The following SATB2 variants were observed in gnomAD, a reference collection of about 807,000 sequenced individuals.
SATB2 encodes the protein DNA-binding protein SATB2.
In SATB2, 1 loss-of-function variant was observed where a neutral mutation model predicts 73.4. The ratio of observed to expected loss-of-function variants is 0.01; its 90% confidence interval spans 0.00 to 0.06. The LOEUF (loss-of-function observed/expected upper bound fraction) is 0.06. Among genes scored for constraint, SATB2 ranks in the 10% least tolerant of loss-of-function variants. SATB2 has a pLI of 1.00. For missense variants in SATB2, 459 were observed against 945.8 expected, an observed-to-expected ratio of 0.49 and a Z score of 6.75; for synonymous variants, 397 against 367.0, an observed-to-expected ratio of 1.08 and a Z score of -0.93.
At chr2:199,330,535 C>A (rs1020143094) in intron 7 of SATB2, among the ~76,000 whole-genome samples, 1 of 152,154 alleles carries the variant, frequency 6.6e-6, no homozygotes, top group African/African-American at 2.4e-5. Flanking sequence ...GTAAAAATAA[C>A]CGACTGGTAC....
At chr2:199,406,725 T>C (rs1690639570) in intron 3 of SATB2, among the ~76,000 whole-genome samples, 3 of 152,090 alleles carry the variant, frequency 2.0e-5, no homozygotes, top group South Asian at 4.1e-4. Context: ...AAGGGCATTC[T>C]GAGAGGACGT....
chr2:199,459,663 A>T (rs948514041), upstream of SATB2: 2 of 152,652 alleles, frequency 1.3e-5, no homozygotes, highest in South Asian at 2.1e-4. The surrounding 1 kb of genome is among the most constrained non-coding windows in gnomAD (Gnocchi z 4.2). Flanking sequence ...GCTCTCCCAC[A>T]TCTCCCGCAG....
At chr2:199,279,628 G>C (rs918417027) in intron 10 of SATB2, among the ~76,000 whole-genome samples, 3 of 152,174 alleles carry the variant, frequency 2.0e-5, no homozygotes, top group African/African-American at 7.2e-5. Flanking sequence ...GGTCACGTCT[G>C]TCTCTCTATG....
At chr2:199,394,962 A>T (rs1370825501) in intron 3 of SATB2, among the ~76,000 whole-genome samples, 1 of 152,204 alleles carries the variant, frequency 6.6e-6, no homozygotes, top group Non-Finnish European at 1.5e-5. Flanking sequence ...AGATCCATTT[A>T]ATCTCATTTC....
intron 6 of SATB2, among the ~76,000 whole-genome samples, chr2:199,352,465 TTATA>T: frequency 6.6e-6 from 1 of 152,168 alleles, no homozygotes; most frequent in East Asian, 1.9e-4. Context: ...TTCTTTAAGG[TTATA>T]TATAATCATT....
chr2:199,350,997 T>C (rs1412221801), intron 6 of SATB2, among the ~76,000 whole-genome samples: 2 of 133,180 alleles, frequency 1.5e-5, no homozygotes, highest in Non-Finnish European at 3.1e-5. Context: ...ACCACTGCAC[T>C]CCAGCCTGAG....
At chr2:199,411,111 A>G (rs1415479163) in intron 3 of SATB2, among the ~76,000 whole-genome samples, 5 of 151,984 alleles carry the variant, frequency 3.3e-5, no homozygotes, top group Non-Finnish European at 5.9e-5. Flanking sequence ...TACAAATCAC[A>G]CTGAATCATT....
At chr2:199,332,397 T>C (rs977005498) in intron 7 of SATB2, among the ~76,000 whole-genome samples, 1 of 152,106 alleles carries the variant, frequency 6.6e-6, no homozygotes, top group Non-Finnish European at 1.5e-5. Flanking sequence ...GCCTTTTCCA[T>C]AGCCTAATTA....
intron 10 of SATB2, among the ~76,000 whole-genome samples, chr2:199,281,133 C>A (rs1339326332): frequency 6.6e-6 from 1 of 151,884 alleles, no homozygotes; most frequent in Non-Finnish European, 1.5e-5. Flanking sequence ...ACTTGGGAGG[C>A]TGAGACAGGA....
At chr2:199,368,543 A>C in intron 6 of SATB2, 62 bp downstream of exon 6, 1 of 966,400 alleles carries the variant, frequency 1.0e-6, no homozygotes, top group South Asian at 1.3e-5. Flanking sequence ...ATTCCAAACA[A>C]CCAACAACTC....
intron 9 of SATB2, among the ~76,000 whole-genome samples, chr2:199,310,865 A>G (rs1427796048): frequency 6.6e-6 from 1 of 152,242 alleles, no homozygotes; most frequent in African/African-American, 2.4e-5. Flanking sequence ...GCTTGAAAGA[A>G]GACAGGTGAC....
At chr2:199,302,862 G>C (rs531811215) in intron 10 of SATB2, among the ~76,000 whole-genome samples, 1 of 152,148 alleles carries the variant, frequency 6.6e-6, no homozygotes, top group Non-Finnish European at 1.5e-5. Flanking sequence ...GAACATTAGC[G>C]ATAAGAGGCA....
At chr2:199,407,604 A>T (rs1690673325) in intron 3 of SATB2, among the ~76,000 whole-genome samples, 1 of 152,188 alleles carries the variant, frequency 6.6e-6, no homozygotes, top group Admixed American at 6.5e-5. Flanking sequence ...GTGGGAGATG[A>T]TGTCATGTAA....
At chr2:199,406,499 C>A (rs571613239) in intron 3 of SATB2, among the ~76,000 whole-genome samples, 15 of 152,226 alleles carry the variant, frequency 9.9e-5, no homozygotes, top group Middle Eastern at 3.4e-3. Flanking sequence ...TAATCTATCC[C>A]ACTGGAAAAA....
At chr2:199,323,630 A>C (rs1687952019) in intron 9 of SATB2, among the ~76,000 whole-genome samples, 173 bp downstream of exon 9, 1 of 152,188 alleles carries the variant, frequency 6.6e-6, no homozygotes, top group South Asian at 2.1e-4. Context: ...CTTCATCTCT[A>C]TTTTGAACTC....
At chr2:199,452,638 T>C (rs1409341422) in intron 2 of SATB2, among the ~76,000 whole-genome samples, 1 of 152,170 alleles carries the variant, frequency 6.6e-6, no homozygotes, top group Non-Finnish European at 1.5e-5. Flanking sequence ...AGTGAATTAC[T>C]AGCTGAGAGG....
chr2:199,429,412 C>G (rs750191097), intron 3 of SATB2, among the ~76,000 whole-genome samples: 1 of 152,126 alleles, frequency 6.6e-6, no homozygotes, highest in African/African-American at 2.4e-5. Context: ...ACTTGGCACC[C>G]TGCTTGATTC....
intron 10 of SATB2, among the ~76,000 whole-genome samples, chr2:199,299,799 A>G (rs1288098288): frequency 6.6e-6 from 1 of 152,142 alleles, no homozygotes; most frequent in Non-Finnish European, 1.5e-5. Flanking sequence ...TTATCGATGA[A>G]ATTTAATCAT....
chr2:199,291,079 C>T (rs1692842815), intron 10 of SATB2, among the ~76,000 whole-genome samples: 2 of 152,094 alleles, frequency 1.3e-5, no homozygotes, highest in South Asian at 4.1e-4. Context: ...CTATAGAAAA[C>T]ACTGAATGTC....
Sources: allele counts gnomAD v4.1 joint callset (sites outside exome capture counted in the v4.1 genomes callset), GRCh38; gene constraint gnomAD v4.1.1; non-coding constraint Gnocchi (gnomAD v3.1); transcripts MANE v1.5; gene names NCBI Gene and HGNC (gene_info 2026-07-23, HGNC 2026-07-21).